The following XNDC1N variants were observed in gnomAD, a reference collection of about 807,000 sequenced individuals.
XNDC1N encodes protein XNDC1N.
chr11:71,919,549 A>G, the XNDC1N span, among the ~76,000 whole-genome samples: 10 of 146,962 alleles, frequency 6.8e-5, no homozygotes, highest in South Asian at 2.2e-4. Flanking sequence ...CACCATGCCC[A>G]GCTAATTTTT....
the XNDC1N span, among the ~76,000 whole-genome samples, chr11:71,924,224 C>T: frequency 6.6e-6 from 1 of 152,050 alleles, no homozygotes; most frequent in East Asian, 1.9e-4. Context: ...ATTGCAAAAC[C>T]CTTGCTAAGC....
the XNDC1N span, among the ~76,000 whole-genome samples, chr11:71,911,068 C>T: frequency 6.6e-6 from 1 of 152,258 alleles, no homozygotes; most frequent in Non-Finnish European, 1.5e-5. Flanking sequence ...GCCTACATCT[C>T]TCAACAACTG....
chr11:71,898,473 A>T, the XNDC1N span, among the ~76,000 whole-genome samples: 76 of 151,700 alleles, frequency 5.0e-4, no homozygotes, highest in Non-Finnish European at 8.5e-4. Context: ...TGGGCGTGAT[A>T]GCGCACGCCT....
At chr11:71,875,240 CTTA>C in the XNDC1N span, among the ~76,000 whole-genome samples, 13 of 151,540 alleles carry the variant, frequency 8.6e-5, no homozygotes, top group African/African-American at 9.7e-5. Context: ...TAAAGTAATA[CTTA>C]TTAATAAATA....
At chr11:71,899,151 C>T in the XNDC1N span, among the ~76,000 whole-genome samples, 1 of 152,170 alleles carries the variant, frequency 6.6e-6, no homozygotes, top group Admixed American at 6.5e-5. Context: ...GTGCCTTGAG[C>T]CCCCCAGGCC....
chr11:71,872,198 C>T, the XNDC1N span, among the ~76,000 whole-genome samples: 2 of 152,168 alleles, frequency 1.3e-5, no homozygotes, highest in Non-Finnish European at 2.9e-5. Flanking sequence ...TCCCAGTCTT[C>T]AGATTAAAAT....
At chr11:71,880,057 AG>A in the XNDC1N span, among the ~76,000 whole-genome samples, 1 of 152,180 alleles carries the variant, frequency 6.6e-6, no homozygotes, top group African/African-American at 2.4e-5. Context: ...ACATTCACGG[AG>A]GAAAAGTATA....
chr11:71,924,938 A>G, the XNDC1N span, among the ~76,000 whole-genome samples: 6 of 152,166 alleles, frequency 3.9e-5, no homozygotes, highest in South Asian at 1.2e-3. Context: ...TCCTGAAAAT[A>G]TGAGTCCGTG....
At chr11:71,875,677 C>T in the XNDC1N span, among the ~76,000 whole-genome samples, 9 of 151,710 alleles carry the variant, frequency 5.9e-5, no homozygotes, top group South Asian at 1.9e-3. Flanking sequence ...TTGTTTTTAA[C>T]ATGGCAGGAA....
the XNDC1N span, among the ~76,000 whole-genome samples, chr11:71,897,696 A>G: frequency 6.6e-6 from 1 of 152,232 alleles, no homozygotes; most frequent in African/African-American, 2.4e-5. Context: ...ATGTTCCCGC[A>G]GTTGCATTTG....
At chr11:71,882,995 A>T in the XNDC1N span, among the ~76,000 whole-genome samples, 1 of 152,228 alleles carries the variant, frequency 6.6e-6, no homozygotes, top group Non-Finnish European at 1.5e-5. Context: ...TCCCATTCAT[A>T]ATAGCAAGAA....
chr11:71,884,674 G>A, the XNDC1N span: 23 of 1,348,220 alleles, frequency 1.7e-5, 1 homozygote, highest in Non-Finnish European at 2.4e-5. Context: ...ATGTTTAGAT[G>A]GTCAGGTGAA....
chr11:71,895,114 ATTTTT>A, the XNDC1N span, among the ~76,000 whole-genome samples: 1 of 147,512 alleles, frequency 6.8e-6, no homozygotes, highest in East Asian at 2.0e-4. Context: ...GAGTGTGTGG[ATTTTT>A]TTTTTTTTTC....
At chr11:71,917,386 A>G in the XNDC1N span, 1 of 613,982 alleles carries the variant, frequency 1.6e-6, no homozygotes, top group Non-Finnish European at 2.9e-6. Flanking sequence ...TTATATATAA[A>G]TATAAATAGT....
chr11:71,910,190 C>G, the XNDC1N span, among the ~76,000 whole-genome samples: 1 of 152,328 alleles, frequency 6.6e-6, no homozygotes, highest in Non-Finnish European at 1.5e-5. Context: ...AGCCACGGAC[C>G]AAGGACTACC....
the XNDC1N span, among the ~76,000 whole-genome samples, chr11:71,913,456 C>A: frequency 6.6e-6 from 1 of 151,926 alleles, no homozygotes; most frequent in African/African-American, 2.4e-5. Context: ...GTCACAAGAT[C>A]GAGACCAGCC....
At chr11:71,870,892 G>A in the XNDC1N span, among the ~76,000 whole-genome samples, 28,647 of 152,154 alleles carry the variant, frequency 0.19, 4,930 homozygotes, top group African/African-American at 0.45. Flanking sequence ...ACAGGTGTGG[G>A]AGAGGATGTG....
chr11:71,908,483 G>A, the XNDC1N span, among the ~76,000 whole-genome samples: 52,891 of 151,702 alleles, frequency 0.35, 11,618 homozygotes, highest in South Asian at 0.5. Context: ...GTCGCATTGC[G>A]CCATTCCACT....
chr11:71,893,401 T>G, the XNDC1N span: 139 of 698,502 alleles, frequency 2.0e-4, 1 homozygote, highest in South Asian at 2.0e-3. Context: ...CATCCAGCAT[T>G]AAGGGCTGGT....
Sources: allele counts gnomAD v4.1 joint callset (sites outside exome capture counted in the v4.1 genomes callset), GRCh38; gene constraint gnomAD v4.1.1; transcripts MANE v1.5; gene names NCBI Gene and HGNC (gene_info 2026-07-23, HGNC 2026-07-21).